Variants in DTYMK observed in about 807,000 individuals in gnomAD.
The protein encoded by DTYMK is thymidylate kinase.
DTYMK carries 20 observed loss-of-function variants against 20.3 expected under a neutral mutation model. The ratio of observed to expected loss-of-function variants is 0.99; its 90% CI spans 0.69 to 1.43. DTYMK has a LOEUF of 1.43. Ranked by LOEUF, DTYMK falls within the 40% of genes most tolerant of loss-of-function variation. DTYMK has a pLI of 0.00. For synonymous variants in DTYMK, 148 were observed against 124.4 expected (o/e 1.19, Z -1.27); for missense variants, 320 against 291.1 (o/e 1.10, Z -0.72).
chr2:241,685,703 G>C, intron 2 of DTYMK, 66 bp downstream of exon 2: 1 of 1,491,624 alleles, frequency 6.7e-7, no homozygotes, highest in Non-Finnish European at 9.3e-7. Context: ...CGAGTGCTGC[G>C]TTCACTGAAT....
chr2:241,676,026 G>C lies in DTYMK; in HGVS notation c.*101C>G, dbSNP rs1340187890. Reference sequence around the variant, plus strand: ...TCTCTGCTGCCGGGAAAGAGCTCCTGAAGTTGTGGGGTCTGGACTCTGCTG... The same window carrying C: ...TCTCTGCTGCCGGGAAAGAGCTCCTCAAGTTGTGGGGTCTGGACTCTGCTG... On this transcript the variant is annotated 3_prime_UTR_variant, in exon 5 of 5. Transcript: ENST00000305784. The C allele has an allele frequency of 1.8e-6, 2 of 1,117,716 alleles. No individual in the cohort carries two copies. The highest frequency in any genetic ancestry group is 3.2e-5 in the African/African-American group (2 of 62,906). 69.2% of individuals were successfully genotyped at this position (1,117,716 alleles called of 1,614,324 possible). A position where few individuals can be genotyped will look rare whatever the true frequency, so the allele number is the denominator to read the frequency against.
At chr2:241,682,371 G>A (rs371687218) in intron 2 of DTYMK, 1 of 359,784 alleles carries the variant, frequency 2.8e-6, no homozygotes, top group Non-Finnish European at 5.5e-6. Flanking sequence ...TGAGAAAACA[G>A]AAAAGGCAAA....
chr2:241,677,037 G>A (rs991991761), intron 4 of DTYMK, among the ~76,000 whole-genome samples: 11 of 152,246 alleles, frequency 7.2e-5, no homozygotes, highest in Non-Finnish European at 1.2e-4. Flanking sequence ...GCATAAGCCC[G>A]CAGGACAGCC....
At chr2:241,677,520 G>A (rs531936479) in intron 4 of DTYMK, among the ~76,000 whole-genome samples, 34 of 152,372 alleles carry the variant, frequency 2.2e-4, no homozygotes, top group Middle Eastern at 3.4e-3. Flanking sequence ...CTGAAGCTCC[G>A]CGGGCCGTGG....
chr2:241,678,417 C>G (rs1236577265), intron 4 of DTYMK, 35 bp downstream of exon 4: 5 of 1,612,850 alleles, frequency 3.1e-6, no homozygotes, highest in African/African-American at 1.3e-5. Flanking sequence ...AGCCACTTCT[C>G]CACGCTTCCT....
intron 3 of DTYMK, among the ~76,000 whole-genome samples, chr2:241,679,359 GA>G (rs1282388556): frequency 2.6e-5 from 4 of 152,202 alleles, no homozygotes; most frequent in South Asian, 4.1e-4. Flanking sequence ...TCTGTCAGCT[GA>G]TCCGCACAGC....
chr2:241,677,747 G>GGAGGCAGGACTGAAGGGA, intron 4 of DTYMK, among the ~76,000 whole-genome samples: 1 of 152,348 alleles, frequency 6.6e-6, no homozygotes, highest in East Asian at 1.9e-4. Flanking sequence ...TGAGATTGAA[G>GGAGGCAGGACTGAAGGGA]GAGGCAGGAC....
At chr2:241,686,332 C>T (rs895438392) in intron 1 of DTYMK, among the ~76,000 whole-genome samples, 1 of 152,246 alleles carries the variant, frequency 6.6e-6, no homozygotes, top group Non-Finnish European at 1.5e-5. Flanking sequence ...CACGGTTTCG[C>T]GCGGGTTTAC....
intron 2 of DTYMK, among the ~76,000 whole-genome samples, chr2:241,684,135 G>A (rs2069326208): frequency 6.6e-6 from 1 of 152,034 alleles, no homozygotes; most frequent in South Asian, 2.1e-4. Context: ...ATATCTATTA[G>A]GGAAACAAGT....
chr2:241,680,077 A>G lies in DTYMK; in HGVS notation c.330+152T>C, dbSNP rs894060270. The G allele has an allele frequency of 1.8e-5, 12 of 682,036 alleles. No individual in the cohort carries two copies. In the Admixed American group the frequency reaches 2.0e-4, roughly 12 times the overall value. 42.2% of individuals were successfully genotyped at this position (682,036 alleles called of 1,614,324 possible). ...TAAATGTTTGCTCTTCTTATTGATA[A>G]AACCAAATTAATCTAGCAAAGAGAT... is the stretch of plus-strand genomic sequence containing the variant. On this transcript the variant is annotated intron_variant, in intron 3 of 4. Transcript: ENST00000305784.
In DTYMK at chr2:241,675,870, A is replaced by G; in HGVS notation, c.*257T>C. ...CTGAACTTCAGTAAGAAAATACAAC[A>G]GAGTGCCATCAGGACAGGGGAGAGG... On this transcript the variant is annotated 3_prime_UTR_variant, in exon 5 of 5. Transcript: ENST00000305784. 2.8e-6 allele frequency: 1 copy of G among 358,274 alleles called. No homozygotes were observed. Among genetic ancestry groups the G allele is most frequent in the Non-Finnish European group, 5.0e-6 (1 of 199,338 alleles). 22.2% of individuals were successfully genotyped at this position (358,274 alleles called of 1,614,324 possible). A position where few individuals can be genotyped will look rare whatever the true frequency, so the allele number is the denominator to read the frequency against.
intron 2 of DTYMK, among the ~76,000 whole-genome samples, 163 bp from the exon 3 acceptor site, chr2:241,680,482 C>T (rs1192786711): frequency 6.6e-6 from 1 of 152,292 alleles, no homozygotes; most frequent in South Asian, 2.1e-4. Flanking sequence ...CGAGACCATC[C>T]TGGCTAACAT....
At chr2:241,684,308 A>G (rs537386738) in intron 2 of DTYMK, among the ~76,000 whole-genome samples, 14 of 152,344 alleles carry the variant, frequency 9.2e-5, no homozygotes, top group African/African-American at 2.2e-4. Context: ...CAGAAGAACA[A>G]TTGCCTCCAT....
chr2:241,676,047 T>TGCTGGG lies in DTYMK; in HGVS notation c.*74_*79dup. ...TCCTGAAGTTGTGGGGTCTGGACTC[T>TGCTGGG]GCTGGGGACGGGGCCTTCCGCGAGT... On this transcript the variant is annotated 3_prime_UTR_variant, in exon 5 of 5. Transcript: ENST00000305784. 1 of 1,352,384 alleles carries TGCTGGG rather than the reference T, an allele frequency of 7.4e-7. No individual in the cohort carries two copies. The allele number at this position is 1,352,384 out of a possible 1,614,324, so 83.8% of individuals were successfully genotyped here. A position where few individuals can be genotyped will look rare whatever the true frequency, so the allele number is the denominator to read the frequency against.
chr2:241,682,058 G>A (rs560457304), intron 2 of DTYMK: 60 of 317,238 alleles, frequency 1.9e-4, no homozygotes, highest in African/African-American at 1.3e-3. Flanking sequence ...AAAAAATAAG[G>A]CCAGGCAGGG....
At chr2:241,686,010 G>A (rs2069387379) in intron 1 of DTYMK, 133 bp from the exon 2 acceptor site, 1 of 833,750 alleles carries the variant, frequency 1.2e-6, no homozygotes, top group Non-Finnish European at 1.8e-6. Context: ...CTCTAGACAG[G>A]CTTGGATCTT....
intron 4 of DTYMK, among the ~76,000 whole-genome samples, chr2:241,677,877 G>A (rs368100582): frequency 2.0e-5 from 3 of 152,352 alleles, no homozygotes; most frequent in East Asian, 3.9e-4. Flanking sequence ...GCTGGCGCTC[G>A]TGTCTGAAGA....
At position 241,680,334 on chromosome 2, in the gene DTYMK, G is replaced by A; in HGVS notation, c.240-15C>T. On this transcript the variant is annotated splice_polypyrimidine_tract_variant and intron_variant, in intron 2 of 4. Transcript: ENST00000305784. ...TAATTAACGGCCTGAAAAAGAGGAT[G>A]CTCCTGAGCCCTGGTCCTGTTTCAT... The A allele has an allele frequency of 6.2e-7, 1 of 1,613,798 alleles. No homozygotes were observed. The highest frequency in any genetic ancestry group is 1.3e-5 in the African/African-American group (1 of 75,054).
At position 241,686,747 on chromosome 2, in the gene DTYMK, C is replaced by T. The variant is rs779996055; in HGVS notation, c.37G>A (p.Gly13Ser). ...ARRGALIVLE[G>S]VDRAGKSTQS... ...GTGCTCTTCCCGGCGCGGTCCACGCCCTCCAGCACTATGAGAGCCCCGCGC... is the reference window on the plus strand; with the variant it reads ...GTGCTCTTCCCGGCGCGGTCCACGCTCTCCAGCACTATGAGAGCCCCGCGC... The change falls in exon 1 of 5, where the codon GGC becomes AGC. Residue 13 changes from glycine (G) to serine (S), a missense_variant. Physicochemically the swap from Gly to Ser is moderately conservative, Grantham distance 56. Coordinates refer to ENST00000305784, the MANE Select transcript of DTYMK (RefSeq NM_012145.4). The T allele has an allele frequency of 3.7e-5, 57 of 1,525,306 alleles. No individual in the cohort carries two copies. Among genetic ancestry groups the T allele is most frequent in the Non-Finnish European group, 4.6e-5 (53 of 1,151,422 alleles). The allele number at this position is 1,525,306 out of a possible 1,614,324, so 94.5% of individuals were successfully genotyped here. A position where few individuals can be genotyped will look rare whatever the true frequency, so the allele number is the denominator to read the frequency against.
Sources: gnomAD v4.1 joint callset for allele counts (sites outside exome capture counted in the v4.1 genomes callset) on GRCh38, gnomAD v4.1.1 for gene constraint, MANE v1.5 for transcripts, NCBI Gene and HGNC (gene_info 2026-07-23, HGNC 2026-07-21) for gene names.